The following OR3A2 variants were observed in gnomAD, a reference collection of about 807,000 sequenced individuals.
The protein encoded by OR3A2 is olfactory receptor family 3 subfamily A member 2.
For missense variants in OR3A2, 318 were observed against 392.8 expected (o/e 0.81, Z 1.61); for synonymous variants, 126 against 159.3 (o/e 0.79, Z 1.57).
At chr17:3,315,756 G>GT (rs201646897) in intron 3 of OR3A2, among the ~76,000 whole-genome samples, 5 of 130,252 alleles carry the variant, frequency 3.8e-5, no homozygotes, top group Non-Finnish European at 7.9e-5. Context: ...AAATATGGGG[G>GT]GGGGGGCGGT....
At chr17:3,329,482 T>G (rs964215703) in intron 3 of OR3A2, among the ~76,000 whole-genome samples, 13 of 142,884 alleles carry the variant, frequency 9.1e-5, no homozygotes, top group Admixed American at 7.3e-4. Flanking sequence ...CTTCTAGATT[T>G]TCTAGTTTAT....
intron 3 of OR3A2, among the ~76,000 whole-genome samples, chr17:3,329,594 TTCTC>T (rs1216476214): frequency 7.1e-6 from 1 of 141,494 alleles, no homozygotes; most frequent in Non-Finnish European, 1.5e-5. Context: ...TATTTGATTC[TTCTC>T]TCTTTTTTTC....
chr17:3,342,827 G>C (rs1199481220), intron 2 of OR3A2, among the ~76,000 whole-genome samples: 1 of 152,190 alleles, frequency 6.6e-6, no homozygotes, highest in African/African-American at 2.4e-5. Context: ...TGTCAGACAG[G>C]GACGTTTAAG....
intron 3 of OR3A2, among the ~76,000 whole-genome samples, chr17:3,328,871 C>T (rs369127452): frequency 7.0e-5 from 10 of 142,894 alleles, no homozygotes; most frequent in Admixed American, 2.9e-4. Context: ...TATTGATTTG[C>T]GAAAATACGT....
chr17:3,332,026 C>G (rs1009051570), intron 3 of OR3A2, among the ~76,000 whole-genome samples: 1 of 151,982 alleles, frequency 6.6e-6, no homozygotes, highest in Non-Finnish European at 1.5e-5. Flanking sequence ...TTAGGCTGCT[C>G]GGGGGTCAGG....
At chr17:3,380,672 C>A (rs1377849318) in intron 2 of OR3A2, among the ~76,000 whole-genome samples, 1 of 152,150 alleles carries the variant, frequency 6.6e-6, no homozygotes, top group African/African-American at 2.4e-5. Flanking sequence ...ATACAAAGGG[C>A]TCATCCAGGA....
chr17:3,301,824 G>C (rs894373965), intron 3 of OR3A2, among the ~76,000 whole-genome samples: 5 of 152,074 alleles, frequency 3.3e-5, no homozygotes, highest in African/African-American at 1.2e-4. Context: ...ATGGTTTTAG[G>C]TCTAACATTT....
rs552615698 is a variant in OR3A2 at position 3,375,139 on chromosome 17, C to CTTTTTTTTTTTTTTTTTTTTTTTT, written c.-179+8641_-179+8664dup. 1.7e-4 allele frequency among the ~76,000 whole-genome samples: 5 copies of CTTTTTTTTTTTTTTTTTTTTTTTT among 28,720 alleles called. 2 individuals are homozygous for CTTTTTTTTTTTTTTTTTTTTTTTT. Among genetic ancestry groups the CTTTTTTTTTTTTTTTTTTTTTTTT allele is most frequent in the Admixed American group, 1.3e-3 (2 of 1,546 alleles). The allele number at this position is 28,720 out of a possible 152,430, so 18.8% of individuals were successfully genotyped here. A position where few individuals can be genotyped will look rare whatever the true frequency, so the allele number is the denominator to read the frequency against. On this transcript the variant is annotated intron_variant, in intron 2 of 4. Transcript: ENST00000573491. ...TATCTGGCAATTCAGAGCCTTCTTC[C>CTTTTTTTTTTTTTTTTTTTTTTTT]TTTTTTTTTTTTTTTTTTTTTTTTT...
intron 3 of OR3A2, among the ~76,000 whole-genome samples, chr17:3,312,430 C>A (rs2049051541): frequency 6.6e-6 from 1 of 152,098 alleles, no homozygotes; most frequent in Non-Finnish European, 1.5e-5. Flanking sequence ...ACCCTGCAAG[C>A]ACCTTCTTCA....
chr17:3,346,019 GC>G (rs1158538784), intron 2 of OR3A2, among the ~76,000 whole-genome samples: 1 of 152,072 alleles, frequency 6.6e-6, no homozygotes, highest in Non-Finnish European at 1.5e-5. Flanking sequence ...CTAACAGCAG[GC>G]TAGGTGTTTT....
chr17:3,291,798 T>A (rs762486329), intron 3 of OR3A2: 1 of 1,613,604 alleles, frequency 6.2e-7, no homozygotes, highest in East Asian at 2.2e-5. Context: ...CAGTCGCATA[T>A]AGTTAAAGAT....
intron 2 of OR3A2, among the ~76,000 whole-genome samples, chr17:3,373,560 T>C (rs1197524972): frequency 1.3e-5 from 2 of 152,214 alleles, no homozygotes; most frequent in African/African-American, 4.8e-5. Flanking sequence ...CTCTTTGTCT[T>C]TTTTAACTGC....
intron 2 of OR3A2, among the ~76,000 whole-genome samples, chr17:3,339,741 G>A (rs2049301346): frequency 6.6e-6 from 1 of 151,512 alleles, no homozygotes; most frequent in African/African-American, 2.4e-5. Context: ...TTCTTTTTTT[G>A]TTGTGTCTCT....
intron 3 of OR3A2, among the ~76,000 whole-genome samples, chr17:3,296,343 C>T (rs1312534355): frequency 6.6e-6 from 1 of 151,992 alleles, no homozygotes; most frequent in Non-Finnish European, 1.5e-5. Flanking sequence ...AATCAGTGTT[C>T]AGAAAAGAAT....
intron 3 of OR3A2, among the ~76,000 whole-genome samples, chr17:3,304,104 G>A (rs551121104): frequency 1.3e-5 from 2 of 151,984 alleles, no homozygotes; most frequent in South Asian, 2.1e-4. Flanking sequence ...TAGGGGGACT[G>A]AGACAACACT....
At chr17:3,318,729 G>A (rs1425577193) in intron 3 of OR3A2, among the ~76,000 whole-genome samples, 1 of 152,108 alleles carries the variant, frequency 6.6e-6, no homozygotes, top group Non-Finnish European at 1.5e-5. Context: ...ACCATAATTT[G>A]ATGTGTTTTT....
intron 2 of OR3A2, among the ~76,000 whole-genome samples, chr17:3,342,454 G>A (rs969994684): frequency 1.3e-5 from 2 of 152,196 alleles, no homozygotes; most frequent in Non-Finnish European, 2.9e-5. Context: ...GGGTTTTGGT[G>A]TGGATGTCCT....
intron 3 of OR3A2, among the ~76,000 whole-genome samples, chr17:3,324,080 C>G (rs1380100784): frequency 6.6e-6 from 1 of 151,984 alleles, no homozygotes; most frequent in East Asian, 1.9e-4. Flanking sequence ...TTTCTCTAAA[C>G]TTCTCTTCTC....
Position 3,311,171 on chromosome 17 carries a change from G to C in OR3A2, c.-85+24862C>G, listed in dbSNP as rs1427574515. 1.9e-6 allele frequency: 1 copy of C among 538,546 alleles called. No individual in the cohort carries two copies. 33.4% of individuals were successfully genotyped at this position (538,546 alleles called of 1,614,324 possible). A position where few individuals can be genotyped will look rare whatever the true frequency, so the allele number is the denominator to read the frequency against. On this transcript the variant is annotated intron_variant, in intron 3 of 4. Coordinates refer to the OR3A2 transcript ENST00000573491. The surrounding 1 kb of genome is among the most constrained non-coding windows in gnomAD (Gnocchi z 4.6). ...TCCTCAACACTGTCATCAGCCCCAT[G>C]CTGAACCCACTCATCTACTGGACAT... is the stretch of plus-strand genomic sequence containing the variant.
Sources: allele counts gnomAD v4.1 joint callset (sites outside exome capture counted in the v4.1 genomes callset), GRCh38; gene constraint gnomAD v4.1.1; non-coding constraint Gnocchi (gnomAD v3.1); transcripts MANE v1.5; gene names NCBI Gene and HGNC (gene_info 2026-07-23, HGNC 2026-07-21).